The following HS3ST4 variants were observed in gnomAD, a reference collection of about 807,000 sequenced individuals.
The protein encoded by HS3ST4 is heparan sulfate glucosamine 3-O-sulfotransferase 4.
HS3ST4 carries 17 observed loss-of-function variants against 29.2 expected under a neutral mutation model. That is an observed-to-expected ratio of 0.58 (90% CI 0.40 to 0.87). The LOEUF is 0.87. Ranked by LOEUF, HS3ST4 falls within the 40% of genes least tolerant of loss-of-function variation. HS3ST4 has a pLI of 0.00. For synonymous variants in HS3ST4, 314 were observed against 285.7 expected (o/e 1.10, Z -1.00); for missense variants, 627 against 634.5 (o/e 0.99, Z 0.13).
chr16:26,095,506 CT>C (rs1898912259), intron 1 of HS3ST4, among the ~76,000 whole-genome samples: 1 of 152,170 alleles, frequency 6.6e-6, no homozygotes, highest in African/African-American at 2.4e-5. Flanking sequence ...CAACTTGCTC[CT>C]GAATGACTAC....
Position 25,828,216 on chromosome 16 carries a change from T to G in HS3ST4, c.734+135065T>G, listed in dbSNP as rs535722477. On this transcript the variant is annotated intron_variant, in intron 1 of 1. Coordinates refer to ENST00000331351, the MANE Select transcript of HS3ST4 (RefSeq NM_006040.3). ...TCTTTTCTTTCTTTCTTGCTTGCTT[T>G]CTTTCCTTTCTTTCTTTCTTTCTTT... Among the ~76,000 whole-genome samples the G allele has an allele frequency of 7.6e-4, 112 of 146,850 alleles. 1 individual carries two copies. The highest frequency in any genetic ancestry group is 1.3e-3 in the Non-Finnish European group (86 of 66,808).
chr16:25,878,142 C>T (rs1967852223), intron 1 of HS3ST4, among the ~76,000 whole-genome samples: 2 of 152,148 alleles, frequency 1.3e-5, no homozygotes, highest in South Asian at 4.1e-4. Flanking sequence ...CTTTTAACCT[C>T]ACCAATTTCA....
At chr16:25,759,221 A>G (rs953015781) in intron 1 of HS3ST4, among the ~76,000 whole-genome samples, 2 of 152,214 alleles carry the variant, frequency 1.3e-5, no homozygotes, top group African/African-American at 4.8e-5. Flanking sequence ...AAAAATTACA[A>G]TAGCTTGCAG....
In HS3ST4 at chr16:25,692,527, T is replaced by G; in HGVS notation, c.110T>G (p.Phe37Cys). The G allele has an allele frequency of 7.0e-7, 1 of 1,421,990 alleles. No individual in the cohort carries two copies. The highest frequency in any genetic ancestry group is 9.3e-7 in the Non-Finnish European group (1 of 1,074,794). The allele number at this position is 1,421,990 out of a possible 1,614,324, so 88.1% of individuals were successfully genotyped here. A position where few individuals can be genotyped will look rare whatever the true frequency, so the allele number is the denominator to read the frequency against. Residue 37 changes from phenylalanine (F) to cysteine (C), a missense_variant, in exon 1 of 2, where the codon TTT (phenylalanine) becomes TGT (cysteine). Transcript: ENST00000331351. The part of the protein sequence containing the change: ...AKGPPARKLL[F>C]MCTLSLSVTY... ...GGGCCGCCGGCGCGCAAGCTGCTTTTTATGTGCACCTTGTCCCTGTCTGTC... is the reference window on the plus strand; with the variant it reads ...GGGCCGCCGGCGCGCAAGCTGCTTTGTATGTGCACCTTGTCCCTGTCTGTC...
In HS3ST4 at chr16:25,866,914, A is replaced by C. The variant is rs140603847; in HGVS notation, c.734+173763A>C. ...AGGTTTATTCTTCCATGTACTGGGA[A>C]CTTGCAGCGGAATGGTTACAGTCAG... On this transcript the variant is annotated intron_variant, in intron 1 of 1. Transcript: ENST00000331351. Among the ~76,000 whole-genome samples the C allele has an allele frequency of 3.9e-5, 6 of 152,296 alleles. No individual in the cohort carries two copies. The East Asian group carries it at 1.2e-3, about 29-fold the overall frequency.
intron 1 of HS3ST4, among the ~76,000 whole-genome samples, chr16:25,937,117 C>T (rs1968524500): frequency 6.6e-6 from 1 of 151,830 alleles, no homozygotes; most frequent in Non-Finnish European, 1.5e-5. Context: ...AAGGTCATAC[C>T]TTTCTGGGAC....
intron 1 of HS3ST4, among the ~76,000 whole-genome samples, chr16:25,932,356 C>G (rs1272749512): frequency 6.6e-6 from 1 of 152,170 alleles, no homozygotes; most frequent in Non-Finnish European, 1.5e-5. Context: ...TTGGTGCTCT[C>G]TATCCCCACA....
chr16:25,900,817 T>G (rs117249287), intron 1 of HS3ST4, among the ~76,000 whole-genome samples: 1,713 of 152,108 alleles, frequency 0.011, 18 homozygotes, highest in Middle Eastern at 0.017. Flanking sequence ...CAGGGAGAAC[T>G]AGGGATTTTT....
At chr16:26,022,210 C>T (rs1312318301) in intron 1 of HS3ST4, among the ~76,000 whole-genome samples, 1 of 151,882 alleles carries the variant, frequency 6.6e-6, no homozygotes, top group Non-Finnish European at 1.5e-5. Context: ...CTCAAGCTAC[C>T]CTCCTGCCTC....
In HS3ST4 at chr16:25,880,108, C is replaced by A. The variant is rs116247597; in HGVS notation, c.734+186957C>A. On this transcript the variant is annotated intron_variant, in intron 1 of 1. Coordinates refer to ENST00000331351, the MANE Select transcript of HS3ST4 (RefSeq NM_006040.3). Reference sequence around the variant, plus strand: ...AGTGGGTAGCTAATAATTGGTAGTACAATTATTCAAACCCAGACCTCTTTT... The same window carrying A: ...AGTGGGTAGCTAATAATTGGTAGTAAAATTATTCAAACCCAGACCTCTTTT... Among the ~76,000 whole-genome samples the A allele has an allele frequency of 3.6e-3, 552 of 152,250 alleles. 4 individuals carry two copies. Among genetic ancestry groups the A allele is most frequent in the African/African-American group, 0.012 (513 of 41,536 alleles).
At chr16:26,068,448 G>A (rs1260983683) in intron 1 of HS3ST4, among the ~76,000 whole-genome samples, 2 of 152,238 alleles carry the variant, frequency 1.3e-5, no homozygotes, top group East Asian at 1.9e-4. Flanking sequence ...ACAGGTGAGG[G>A]TTCTGAGCAC....
At chr16:25,879,901 G>A (rs1967876097) in intron 1 of HS3ST4, among the ~76,000 whole-genome samples, 1 of 152,156 alleles carries the variant, frequency 6.6e-6, no homozygotes, top group African/African-American at 2.4e-5. Context: ...AAGAGAGCTT[G>A]TGCAGCGAAA....
intron 1 of HS3ST4, among the ~76,000 whole-genome samples, chr16:26,061,773 A>G (rs1898478734): frequency 6.6e-6 from 1 of 152,172 alleles, no homozygotes. Flanking sequence ...GGGCTCAGAT[A>G]TCTGTGTCAA....
intron 1 of HS3ST4, among the ~76,000 whole-genome samples, chr16:25,999,783 A>T (rs888762478): frequency 1.4e-5 from 2 of 138,434 alleles, no homozygotes; most frequent in Admixed American, 7.8e-5. Flanking sequence ...TATATATATT[A>T]TATATATTTT....
intron 1 of HS3ST4, among the ~76,000 whole-genome samples, chr16:25,750,167 G>A (rs187552595): frequency 6.6e-5 from 10 of 152,202 alleles, no homozygotes; most frequent in Admixed American, 5.9e-4. Flanking sequence ...CAAAAACTGG[G>A]TCACCTGGGA....
intron 1 of HS3ST4, among the ~76,000 whole-genome samples, chr16:25,789,436 TTCCTTCCTTCCTTCCTTCCTTCCTTCC>T (rs1567240185): frequency 9.5e-4 from 111 of 116,774 alleles, no homozygotes; most frequent in African/African-American, 2.9e-3. Flanking sequence ...CCTTCCTTCC[TTCCTTCCTTCCTTCCTTCCTTCCTTCC>T]TTCCTTCTTT....
Position 26,034,574 on chromosome 16 carries a change from C to T in HS3ST4, c.735-101038C>T, listed in dbSNP as rs554027899. ...CATGGCTTCCAGGTTGCTCTCTGTC[C>T]TGGACCCTTGTCCAAAAGACATATT... On this transcript the variant is annotated intron_variant, in intron 1 of 1. Coordinates refer to ENST00000331351, the MANE Select transcript of HS3ST4 (RefSeq NM_006040.3). 3.8e-4 allele frequency among the ~76,000 whole-genome samples: 57 copies of T among 151,730 alleles called. 1 individual carries two copies. The South Asian group carries it at 9.8e-3, about 26-fold the overall frequency.
intron 1 of HS3ST4, among the ~76,000 whole-genome samples, chr16:25,842,211 T>G (rs1967422047): frequency 6.6e-6 from 1 of 152,206 alleles, no homozygotes; most frequent in African/African-American, 2.4e-5. Flanking sequence ...GTCTTAAAGC[T>G]TTAGCTTAAA....
At chr16:25,840,188 A>T (rs145757360) in intron 1 of HS3ST4, among the ~76,000 whole-genome samples, 78 of 152,348 alleles carry the variant, frequency 5.1e-4, no homozygotes, top group African/African-American at 1.8e-3. Flanking sequence ...GACAGTTCAG[A>T]TAAGGTTCCT....
Sources: allele counts gnomAD v4.1 joint callset (sites outside exome capture counted in the v4.1 genomes callset), GRCh38; gene constraint gnomAD v4.1.1; transcripts MANE v1.5; gene names NCBI Gene and HGNC (gene_info 2026-07-23, HGNC 2026-07-21).